ATP8A2: variants seen among roughly 807,000 people sequenced by gnomAD.
The protein encoded by ATP8A2 is ATPase phospholipid transporting 8A2.
A neutral mutation model predicts 165.6 loss-of-function variants in ATP8A2; 100 were observed. The observed-to-expected ratio is 0.60, with a 90% CI of 0.51 to 0.71. The LOEUF is 0.71. ATP8A2 is among the 30% of genes least tolerant of loss of function. The probability of loss-of-function intolerance (pLI) is 0.00; values close to 1 mark genes in which losing one functional copy is unlikely to be tolerated. For synonymous variants in ATP8A2, 543 were observed against 548.8 expected (o/e 0.99, Z 0.15); for missense variants, 1,227 against 1,479.5 (o/e 0.83, Z 2.80).
intron 25 of ATP8A2, among the ~76,000 whole-genome samples, chr13:25,764,176 G>A (rs948285227): frequency 2.0e-5 from 3 of 151,966 alleles, no homozygotes; most frequent in Admixed American, 6.6e-5. Flanking sequence ...TTGATAAGTT[G>A]GTTTCTGTGT....
intron 29 of ATP8A2, 96 bp from the exon 30 acceptor site, chr13:25,839,450 C>A: frequency 3.6e-6 from 3 of 836,282 alleles, no homozygotes; most frequent in South Asian, 1.4e-5. Flanking sequence ...GTGCAGCGCA[C>A]GGCCAGGATC....
intron 24 of ATP8A2, among the ~76,000 whole-genome samples, chr13:25,635,167 A>G (rs752293962): frequency 2.6e-5 from 4 of 152,210 alleles, no homozygotes; most frequent in Non-Finnish European, 5.9e-5. Flanking sequence ...CTCATGAAGC[A>G]TGACCCGTGT....
chr13:25,846,841 T>C (rs1274035585), intron 30 of ATP8A2, among the ~76,000 whole-genome samples: 2 of 152,040 alleles, frequency 1.3e-5, no homozygotes, highest in African/African-American at 4.8e-5. Flanking sequence ...TAATTAATAA[T>C]CCCCTTCTCC....
intron 25 of ATP8A2, among the ~76,000 whole-genome samples, chr13:25,749,752 C>T (rs2138190542): frequency 6.6e-6 from 1 of 152,306 alleles, no homozygotes; most frequent in Non-Finnish European, 1.5e-5. Flanking sequence ...TTCTTTAAAA[C>T]TGGAAAGGAA....
chr13:25,667,011 A>G (rs1566029189), intron 24 of ATP8A2, among the ~76,000 whole-genome samples: 1 of 152,234 alleles, frequency 6.6e-6, no homozygotes. Context: ...ATTACATAAC[A>G]TAAAACTAAC....
chr13:25,670,659 T>C (rs2042245531), intron 24 of ATP8A2, among the ~76,000 whole-genome samples: 1 of 152,218 alleles, frequency 6.6e-6, no homozygotes, highest in East Asian at 1.9e-4. Context: ...TGAAAGAGCC[T>C]CTTCTTTGAC....
intron 24 of ATP8A2, among the ~76,000 whole-genome samples, chr13:25,673,377 C>A (rs191813039): frequency 1.3e-5 from 2 of 152,260 alleles, no homozygotes; most frequent in African/African-American, 4.8e-5. Context: ...CAAATGAGAC[C>A]AGTTGGGATA....
intron 1 of ATP8A2, among the ~76,000 whole-genome samples, chr13:25,409,893 A>T (rs960602682): frequency 6.6e-6 from 1 of 151,994 alleles, no homozygotes; most frequent in Non-Finnish European, 1.5e-5. Context: ...CTCCAATGAC[A>T]TTGCACTCAC....
chr13:25,734,124 C>T (rs1464931348), intron 25 of ATP8A2, among the ~76,000 whole-genome samples: 1 of 152,206 alleles, frequency 6.6e-6, no homozygotes, highest in African/African-American at 2.4e-5. Context: ...TAGTGCCCAG[C>T]ATATGGTCTG....
intron 25 of ATP8A2, 89 bp downstream of exon 25, chr13:25,699,434 G>T: frequency 9.4e-7 from 1 of 1,061,592 alleles, no homozygotes; most frequent in South Asian, 2.8e-5. Context: ...GGGAATTCTA[G>T]GTTTAAAGTT....
Position 26,021,168 on chromosome 13 carries a change from G to C in ATP8A2, c.*1183G>C, listed in dbSNP as rs1302614503. The stretch of plus-strand genomic sequence containing the variant: ...GATGCAAGAGTATAGGACATTGAGT[G>C]GGGAGAACAAGACGACCACAGAAGT... On this transcript the variant is annotated 3_prime_UTR_variant, in exon 37 of 37. Transcript: ENST00000381655. The C allele has an allele frequency of 6.6e-6, 1 of 152,280 alleles. No individual in the cohort carries two copies. The highest frequency in any genetic ancestry group is 6.5e-5 in the Admixed American group (1 of 15,280). 9.4% of individuals were successfully genotyped at this position (152,280 alleles called of 1,614,324 possible).
intron 33 of ATP8A2, among the ~76,000 whole-genome samples, chr13:25,904,449 G>T (rs1006530338): frequency 6.6e-6 from 1 of 152,124 alleles, no homozygotes; most frequent in Non-Finnish European, 1.5e-5. Flanking sequence ...TCACAAACCC[G>T]CACCCGTTGC....
chr13:25,968,687 A>ACTCCG lies in ATP8A2; in HGVS notation c.3377+9_3377+13dup. The ACTCCG allele has an allele frequency of 6.2e-7, 1 of 1,607,224 alleles. No homozygotes were observed. The highest frequency in any genetic ancestry group is 1.1e-5 in the South Asian group (1 of 89,832). ...GGATAGCAATGGAAAGAGGTGGGGA[A>ACTCCG]CTCCGTCCCAGTCCGCACAGAACAC... is the stretch of plus-strand genomic sequence containing the variant. On this transcript the variant is annotated intron_variant, in intron 35 of 36. Coordinates refer to ENST00000381655, the MANE Select transcript of ATP8A2 (RefSeq NM_016529.6).
At chr13:25,449,836 T>C (rs1345136019) in intron 1 of ATP8A2, among the ~76,000 whole-genome samples, 1 of 152,210 alleles carries the variant, frequency 6.6e-6, no homozygotes, top group African/African-American at 2.4e-5. Flanking sequence ...TTTTTAAACT[T>C]TTATTTTAAA....
rs573995527 is a variant in ATP8A2, at chr13:25,766,821, TC to T, written c.2385-2223del. Among the ~76,000 whole-genome samples, 25 of 152,320 alleles carry T rather than the reference TC, an allele frequency of 1.6e-4. No homozygotes were observed. In the South Asian group the frequency reaches 1.7e-3, roughly 10 times the overall value. On this transcript the variant is annotated intron_variant, in intron 25 of 36. Coordinates refer to ENST00000381655, the MANE Select transcript of ATP8A2 (RefSeq NM_016529.6). Reference sequence around the variant, plus strand: ...GAGGTGTCCAGTCTTGTTTTGTTTTTCCAACAGTTAAGATGTTTCACATAAT... The same window carrying T: ...GAGGTGTCCAGTCTTGTTTTGTTTTTCAACAGTTAAGATGTTTCACATAAT...
Position 25,920,510 on chromosome 13 carries a change from C to T in ATP8A2, c.3184-41065C>T, listed in dbSNP as rs1193164202. ...TTTCTGCCTTAGTAAATGGCTCCAC[C>T]ATCCACCAGCTCACAGAGCCAAAAG... On this transcript the variant is annotated intron_variant, in intron 33 of 36. Coordinates refer to ENST00000381655, the MANE Select transcript of ATP8A2 (RefSeq NM_016529.6). Among the ~76,000 whole-genome samples, 4 of 152,156 alleles carry T rather than the reference C, an allele frequency of 2.6e-5. No homozygotes were observed. In the South Asian group the frequency reaches 8.3e-4, roughly 32 times the overall value.
At chr13:25,514,075 CTT>C (rs988749177) in intron 2 of ATP8A2, among the ~76,000 whole-genome samples, 3 of 151,976 alleles carry the variant, frequency 2.0e-5, no homozygotes, top group African/African-American at 4.8e-5. Flanking sequence ...TATTAAGTCT[CTT>C]TTATTTTGCA....
chr13:25,751,960 A>C (rs1281605661), intron 25 of ATP8A2, among the ~76,000 whole-genome samples: 1 of 150,548 alleles, frequency 6.6e-6, no homozygotes, highest in Non-Finnish European at 1.5e-5. Flanking sequence ...TACTGTTGTA[A>C]TTTGCTTTCT....
intron 1 of ATP8A2, among the ~76,000 whole-genome samples, chr13:25,406,797 C>A (rs2033815478): frequency 6.6e-6 from 1 of 152,228 alleles, no homozygotes; most frequent in East Asian, 1.9e-4. Context: ...AATATGTTAT[C>A]TCTTCCAGGT....
Sources: gnomAD v4.1 joint callset for allele counts (sites outside exome capture counted in the v4.1 genomes callset) on GRCh38, gnomAD v4.1.1 for gene constraint, MANE v1.5 for transcripts, NCBI Gene and HGNC (gene_info 2026-07-23, HGNC 2026-07-21) for gene names.